SRGAP3: variants seen among roughly 807,000 people sequenced by gnomAD.
SRGAP3 encodes SLIT-ROBO Rho GTPase activating protein 3.
In SRGAP3, 39 loss-of-function variants were observed where a neutral mutation model predicts 121.1. The ratio of observed to expected loss-of-function variants is 0.32; its 90% confidence interval spans 0.25 to 0.42. SRGAP3 has a LOEUF of 0.42. SRGAP3 is among the 10% of genes least tolerant of loss of function. SRGAP3 has a pLI of 1.00. For missense variants in SRGAP3, 1,213 were observed against 1,470.6 expected (o/e 0.82, Z 2.86); for synonymous variants, 601 against 570.0 (o/e 1.05, Z -0.77).
chr3:9,070,197 A>G (rs1185496696), intron 4 of SRGAP3, among the ~76,000 whole-genome samples: 1 of 152,274 alleles, frequency 6.6e-6, no homozygotes, highest in Non-Finnish European at 1.5e-5. Context: ...GAAGGCAAAC[A>G]GAATCTGGAA....
Position 8,985,448 on chromosome 3 carries a change from G to A in SRGAP3, c.*71C>T, listed in dbSNP as rs957551103. On this transcript the variant is annotated 3_prime_UTR_variant, in exon 22 of 22. Transcript: ENST00000383836. This position sits in a 1 kb window ranked among gnomAD's most constrained non-coding sequence, Gnocchi z 5.1. ...AGGCCAGGGTCACTGGGAAGCACGT[G>A]GAAGCCACCAAGGCCACCCTGGGCC... 1.6e-5 allele frequency: 26 copies of A among 1,586,640 alleles called. No individual in the cohort carries two copies. Among genetic ancestry groups the A allele is most frequent in the Non-Finnish European group, 2.2e-5 (26 of 1,173,814 alleles).
At chr3:9,054,456 G>C (rs1228798894) in intron 8 of SRGAP3, among the ~76,000 whole-genome samples, 1 of 152,184 alleles carries the variant, frequency 6.6e-6, no homozygotes, top group African/African-American at 2.4e-5. Context: ...GAAAATCTTT[G>C]AATCTGCCTA....
chr3:8,989,048 G>C (rs1941891355), intron 21 of SRGAP3, among the ~76,000 whole-genome samples: 1 of 152,240 alleles, frequency 6.6e-6, no homozygotes, highest in South Asian at 2.1e-4. Context: ...CTTTGTCAGA[G>C]CAGCATTCCC....
intron 1 of SRGAP3, among the ~76,000 whole-genome samples, chr3:9,246,508 G>A (rs1190361357): frequency 2.0e-5 from 3 of 152,204 alleles, no homozygotes; most frequent in Non-Finnish European, 4.4e-5. Context: ...ATGTGTCAGG[G>A]AACACAAGCC....
rs1352750545 is a variant in SRGAP3, at chr3:8,981,506, T to G, written c.*4013A>C. On this transcript the variant is annotated 3_prime_UTR_variant, in exon 22 of 22. Coordinates refer to ENST00000383836, the MANE Select transcript of SRGAP3 (RefSeq NM_014850.4). ...AAGAACCATTACCCGAGTCCTCGTG[T>G]TTTTCCATTAGCTGTGGACATGCAC... 1 of 232,430 alleles carries G rather than the reference T, an allele frequency of 4.3e-6. No individual in the cohort carries two copies. Among genetic ancestry groups the G allele is most frequent in the Non-Finnish European group, 8.5e-6 (1 of 117,392 alleles). 14.4% of individuals were successfully genotyped at this position (232,430 alleles called of 1,614,324 possible). A position where few individuals can be genotyped will look rare whatever the true frequency, so the allele number is the denominator to read the frequency against.
intron 3 of SRGAP3, among the ~76,000 whole-genome samples, chr3:9,095,946 C>T (rs1167382771): frequency 6.6e-6 from 1 of 152,028 alleles, no homozygotes; most frequent in Admixed American, 6.6e-5. Context: ...GTGGCATACT[C>T]CTGCAGTCCC....
intron 1 of SRGAP3, among the ~76,000 whole-genome samples, chr3:9,165,481 T>C (rs1950754769): frequency 6.6e-6 from 1 of 152,224 alleles, no homozygotes; most frequent in African/African-American, 2.4e-5. Context: ...TTCCGATTCC[T>C]TTCTGATCTT....
intron 2 of SRGAP3, among the ~76,000 whole-genome samples, chr3:9,123,783 T>C (rs1357253048): frequency 1.3e-5 from 2 of 148,388 alleles, no homozygotes; most frequent in Non-Finnish European, 3.0e-5. Flanking sequence ...TGTGTGTGTA[T>C]ACACAGAGAG....
intron 3 of SRGAP3, among the ~76,000 whole-genome samples, chr3:9,280,803 C>A (rs1255121360): frequency 1.3e-5 from 2 of 152,208 alleles, no homozygotes; most frequent in Non-Finnish European, 2.9e-5. Flanking sequence ...TAAGCTAACT[C>A]TTTTTGCCTG....
chr3:9,268,613 G>T (rs1254110093), intron 3 of SRGAP3, among the ~76,000 whole-genome samples: 14 of 152,050 alleles, frequency 9.2e-5, no homozygotes, highest in Non-Finnish European at 2.1e-4. Flanking sequence ...AAGCAGTCTT[G>T]TAAGAGACCC....
At chr3:9,280,740 T>A (rs1043866639) in intron 3 of SRGAP3, among the ~76,000 whole-genome samples, 7 of 152,210 alleles carry the variant, frequency 4.6e-5, no homozygotes, top group Non-Finnish European at 1.0e-4. Context: ...TTTAATAGGA[T>A]GCAGAATCTG....
At chr3:9,341,376 G>C (rs953902979) in intron 1 of SRGAP3, among the ~76,000 whole-genome samples, 1 of 152,234 alleles carries the variant, frequency 6.6e-6, no homozygotes, top group Non-Finnish European at 1.5e-5. Context: ...CTGGGAAAGA[G>C]ATGCTTAAAG....
chr3:9,138,429 C>G (rs553026637), intron 1 of SRGAP3, among the ~76,000 whole-genome samples: 6 of 152,284 alleles, frequency 3.9e-5, no homozygotes, highest in African/African-American at 1.4e-4. Flanking sequence ...AGTAAGTATT[C>G]AAGCAAGGGT....
At chr3:9,357,125 T>C (rs1330067816) in intron 1 of SRGAP3, among the ~76,000 whole-genome samples, 3 of 151,844 alleles carry the variant, frequency 2.0e-5, no homozygotes, top group African/African-American at 4.8e-5. Context: ...TAGCCAAGCA[T>C]GGTGGTGTGA....
chr3:9,058,554 A>C lies in SRGAP3; in HGVS notation c.802-82T>G, dbSNP rs563810743. On this transcript the variant is annotated intron_variant, in intron 6 of 21. Transcript: ENST00000383836. ...GTCACTGGCCACCACAGTGACTTAC[A>C]ATTACCTCCCTTTCCACAGCCGAAT... is the stretch of plus-strand genomic sequence containing the variant. The C allele has an allele frequency of 1.4e-5, 19 of 1,389,198 alleles. No individual in the cohort carries two copies. In the East Asian group the frequency reaches 4.1e-4, roughly 30 times the overall value. The allele number at this position is 1,389,198 out of a possible 1,614,324, so 86.1% of individuals were successfully genotyped here.
At chr3:9,225,294 AC>A (rs1344311606) in intron 1 of SRGAP3, among the ~76,000 whole-genome samples, 4 of 151,912 alleles carry the variant, frequency 2.6e-5, no homozygotes, top group Non-Finnish European at 5.9e-5. Context: ...ACCCAACACC[AC>A]CTTCTCAGGG....
At position 9,103,442 on chromosome 3, in the gene SRGAP3, G is replaced by C. The variant is rs1191018589; in HGVS notation, c.423+1238C>G. ...AACAAGCCTGTTAATCCTTCCATCT[G>C]CCCATGGGTATTTATCTCCATCACC... On this transcript the variant is annotated intron_variant, in intron 3 of 21. Coordinates refer to ENST00000383836, the MANE Select transcript of SRGAP3 (RefSeq NM_014850.4). Among the ~76,000 whole-genome samples the C allele has an allele frequency of 3.9e-5, 6 of 152,152 alleles. No individual in the cohort carries two copies. In the East Asian group the frequency reaches 1.2e-3, roughly 29 times the overall value.
chr3:9,272,299 G>C (rs1954491740), intron 3 of SRGAP3, among the ~76,000 whole-genome samples: 1 of 152,142 alleles, frequency 6.6e-6, no homozygotes, highest in African/African-American at 2.4e-5. Context: ...TAAGTGTACA[G>C]GTCTTTGGCA....
intron 3 of SRGAP3, among the ~76,000 whole-genome samples, chr3:9,307,907 C>A (rs1955183670): frequency 6.6e-6 from 1 of 152,242 alleles, no homozygotes; most frequent in Non-Finnish European, 1.5e-5. Flanking sequence ...GTAATCCCAG[C>A]ACTTTGGGAG....
Sources: gnomAD v4.1 joint callset for allele counts (sites outside exome capture counted in the v4.1 genomes callset) on GRCh38, gnomAD v4.1.1 for gene constraint, Gnocchi (gnomAD v3.1) non-coding constraint, MANE v1.5 for transcripts, NCBI Gene and HGNC (gene_info 2026-07-23, HGNC 2026-07-21) for gene names.